The following DUOX2 variants were observed in gnomAD, a reference collection of about 807,000 sequenced individuals.
The protein encoded by DUOX2 is NADH/NADPH thyroid oxidase p138-tox.
A neutral mutation model predicts 183.3 loss-of-function variants in DUOX2; 185 were observed. That is an observed-to-expected ratio of 1.01 (90% confidence interval 0.90 to 1.14). The LOEUF is 1.14. DUOX2 is among the 50% of genes most tolerant of loss of function. The probability of loss-of-function intolerance (pLI) is 0.00; values close to 1 mark genes in which losing one functional copy is unlikely to be tolerated. For synonymous variants in DUOX2, 788 were observed against 812.4 expected, an observed-to-expected ratio of 0.97 and a Z score of 0.51; for missense variants, 1,999 against 2,022.9, an observed-to-expected ratio of 0.99 and a Z score of 0.23.
In DUOX2 at chr15:45,110,328, T is replaced by C. The variant is rs568023150; in HGVS notation, c.1040+100A>G. On this transcript the variant is annotated intron_variant, in intron 9 of 33. Coordinates refer to ENST00000389039, the MANE Select transcript of DUOX2 (RefSeq NM_001363711.2). Reference sequence around the variant, plus strand: ...CCCCAAATTTTTGCTTCCCCTTCTCTAGTGAAACTGCGAAGGAGTGTGAAA... The same window carrying C: ...CCCCAAATTTTTGCTTCCCCTTCTCCAGTGAAACTGCGAAGGAGTGTGAAA... 50 of 1,202,600 alleles carry C rather than the reference T, an allele frequency of 4.2e-5. No homozygotes were observed. In the African/African-American group the frequency reaches 5.1e-4, roughly 12 times the overall value. 74.5% of individuals were successfully genotyped at this position (1,202,600 alleles called of 1,614,324 possible). A position where few individuals can be genotyped will look rare whatever the true frequency, so the allele number is the denominator to read the frequency against.
In DUOX2 at chr15:45,094,159, C is replaced by A; in HGVS notation, c.4638G>T (p.Glu1546Asp). The change falls in exon 34 of 34, where the codon GAG (glutamate) becomes GAT (aspartate). Residue 1546 changes from glutamate to aspartate, a missense_variant. Transcript: ENST00000389039. ...GCCAGGGAGGACAGGCTCAGAAGTT[C>A]TCATAGTGGTGCATGAAGTGGGCTC... The part of the protein sequence containing the change: ...QDRAHFMHHY[E>D]NF The A allele has an allele frequency of 6.2e-7, 1 of 1,614,104 alleles. No individual in the cohort carries two copies. Among genetic ancestry groups the A allele is most frequent in the Non-Finnish European group, 8.5e-7 (1 of 1,180,014 alleles).
At position 45,108,186 on chromosome 15, in the gene DUOX2, G is replaced by C. The variant is rs1595526504; in HGVS notation, c.1435C>G (p.Leu479Val). 1.9e-6 allele frequency: 3 copies of C among 1,614,194 alleles called. No homozygotes were observed. Among genetic ancestry groups the C allele is most frequent in the Non-Finnish European group, 2.5e-6 (3 of 1,180,036 alleles). The change falls in exon 13 of 34, where the codon CTA (leucine) becomes GTA (valine). Residue 479 changes from leucine (L) to valine (V), a missense_variant. By Grantham distance (32) the Leu-to-Val change is conservative. Around this residue, in one of 3 missense-constraint regions of DUOX2, gnomAD observed 1,628 missense variants for 1,608.6 expected, o/e 1.01. Coordinates refer to ENST00000389039, the MANE Select transcript of DUOX2 (RefSeq NM_001363711.2). ...CCAAGGAGCAGCTCTAGCTGGGATA[G>C]GTCCTGGTTGTACAGGGCAGCTGTG... ...EATAALYNQD[L>V]SQLELLLGGL...
intron 18 of DUOX2, 72 bp from the exon 19 acceptor site, chr15:45,104,437 C>T (rs1595523977): frequency 1.3e-6 from 2 of 1,553,486 alleles, no homozygotes; most frequent in Non-Finnish European, 1.7e-6. Flanking sequence ...GTTCAGTGAC[C>T]CTTCATATCT....
rs771855544 is a variant in DUOX2 at position 45,095,847 on chromosome 15, C to T, written c.4061G>A (p.Gly1354Asp). The T allele has an allele frequency of 2.9e-5, 46 of 1,613,968 alleles. No homozygotes were observed. The highest frequency in any genetic ancestry group is 1.6e-4 in the Middle Eastern group (1 of 6,084). The part of the protein sequence containing the change: ...REIYSSPKGN[G>D]CAGYPKLYLD... ...GGGCACCTTTGGGTATCCAGCACAG[C>T]CATTGCCCTTTGGGGATGAGTAGAT... Residue 1354 changes from glycine to aspartate, a missense_variant, in exon 30 of 34, where the codon GGC becomes GAC. Coordinates refer to ENST00000389039, the MANE Select transcript of DUOX2 (RefSeq NM_001363711.2).
In DUOX2 at chr15:45,095,945, G is replaced by T; in HGVS notation, c.3963C>A (p.Thr1321=). 1 of 1,614,096 alleles carries T rather than the reference G, an allele frequency of 6.2e-7. No individual in the cohort carries two copies. The highest frequency in any genetic ancestry group is 8.5e-7 in the Non-Finnish European group (1 of 1,180,018). ...TGAGTGTGTCCTCATGGGGCGCGGAGGTCAGTGTGAAGGGGTGGTACTCGG... is the reference window on the plus strand; with the variant it reads ...TGAGTGTGTCCTCATGGGGCGCGGATGTCAGTGTGAAGGGGTGGTACTCGG... ...GTTEYHPFTL[T]SAPHEDTLSL... is the part of the protein sequence containing the mutation. The change falls in exon 30 of 34, where the codon ACC becomes ACA. Residue 1321 remains threonine (T), a synonymous_variant. Transcript: ENST00000389039.
At chr15:45,109,242 T>A (rs761557974) in intron 11 of DUOX2, 1 of 599,490 alleles carries the variant, frequency 1.7e-6, no homozygotes, top group Non-Finnish European at 2.9e-6. Flanking sequence ...CAGGGCTGAA[T>A]GAAAACCTTT....
chr15:45,107,326 G>A lies in DUOX2; in HGVS notation c.1693+19C>T. ...TCTCTGGCCACTGTCACTCACTTGT[G>A]TTCTCCCACGGCACTCACCTTTATG... On this transcript the variant is annotated intron_variant, in intron 14 of 33. Coordinates refer to ENST00000389039, the MANE Select transcript of DUOX2 (RefSeq NM_001363711.2). 1.2e-6 allele frequency: 2 copies of A among 1,613,304 alleles called. No individual in the cohort carries two copies. The highest frequency in any genetic ancestry group is 8.5e-7 in the Non-Finnish European group (1 of 1,179,220).
At chr15:45,113,264 C>G in intron 2 of DUOX2, 78 bp downstream of exon 2, 1 of 1,511,084 alleles carries the variant, frequency 6.6e-7, no homozygotes, top group Non-Finnish European at 9.0e-7. Flanking sequence ...CTCAGGGAGC[C>G]GCTTGCCGCA....
Position 45,108,037 on chromosome 15 carries a change from C to G in DUOX2, c.1574+10G>C. The G allele has an allele frequency of 2.5e-6, 4 of 1,613,818 alleles. No homozygotes were observed. The highest frequency in any genetic ancestry group is 3.4e-6 in the Non-Finnish European group (4 of 1,179,888). On this transcript the variant is annotated intron_variant, in intron 13 of 33. Coordinates refer to ENST00000389039, the MANE Select transcript of DUOX2 (RefSeq NM_001363711.2). ...GAGCAGTCTGAGGTGGGGGCCCAGGCAAGCCTTACCCATTCCTGGTGTTCT... is the reference window on the plus strand; with the variant it reads ...GAGCAGTCTGAGGTGGGGGCCCAGGGAAGCCTTACCCATTCCTGGTGTTCT...
rs140940946 is a variant in DUOX2 at position 45,107,417 on chromosome 15, G to T, written c.1621C>A (p.Arg541=). Reference sequence around the variant, plus strand: ...TTGATAACAGCGACCAGCACGTCCCGCAGGGTGGTATTTCGGATGTCTTCA... The same window carrying T: ...TTGATAACAGCGACCAGCACGTCCCTCAGGGTGGTATTTCGGATGTCTTCA... ...EIEDIRNTTL[R]DVLVAVINID... is the part of the protein sequence containing the mutation. The change falls in exon 14 of 34, where the codon CGG becomes AGG. Residue 541 remains arginine, a synonymous_variant. Coordinates refer to ENST00000389039, the MANE Select transcript of DUOX2 (RefSeq NM_001363711.2). 5.0e-4 allele frequency: 808 copies of T among 1,614,224 alleles called. 6 individuals carry two copies. The East Asian group carries it at 0.015, about 29-fold the overall frequency.
At chr15:45,111,350 C>G in intron 6 of DUOX2, 34 bp downstream of exon 6, 10 of 1,425,420 alleles carry the variant, frequency 7.0e-6, no homozygotes, top group Non-Finnish European at 9.2e-6. Context: ...CTCGCAGACC[C>G]CCAGCCGGCC....
rs751678495 is a variant in DUOX2, at chr15:45,105,846, G to A, written c.2149-18C>T. On this transcript the variant is annotated intron_variant, in intron 17 of 33. Coordinates refer to ENST00000389039, the MANE Select transcript of DUOX2 (RefSeq NM_001363711.2). ...AGCAGCACCTGGGTGGGAGGAAGGC[G>A]GCACTGACGCAGGGAGCTCGCTGGA... The A allele has an allele frequency of 1.5e-5, 24 of 1,613,604 alleles. No individual in the cohort carries two copies. The highest frequency in any genetic ancestry group is 6.7e-5 in the East Asian group (3 of 44,888).
At chr15:45,108,573 A>T in intron 12 of DUOX2, 3 of 662,626 alleles carry the variant, frequency 4.5e-6, no homozygotes, top group Non-Finnish European at 5.2e-6. Context: ...GAATGGTACA[A>T]TGCAGTGGTT....
In DUOX2 at chr15:45,106,935, A is replaced by T. The variant is rs1243800145; in HGVS notation, c.1728T>A (p.Thr576=). 2 of 1,579,830 alleles carry T rather than the reference A, an allele frequency of 1.3e-6. No individual in the cohort carries two copies. Among genetic ancestry groups the T allele is most frequent in the East Asian group, 2.3e-5 (1 of 43,908 alleles). ...APCPQPKQLT[T]DGLPQCAPLT... ...GGGGTGCACACTGGGGCAGGCCGTC[A>T]GTTGTGAGCTGCTTAGGTTGAGGGC... is the stretch of plus-strand genomic sequence containing the variant. The change falls in exon 15 of 34, where the codon ACT becomes ACA. Residue 576 remains threonine, a synonymous_variant. Transcript: ENST00000389039.
intron 11 of DUOX2, 186 bp from the exon 12 acceptor site, chr15:45,109,138 C>A: frequency 2.8e-6 from 2 of 724,114 alleles, no homozygotes; most frequent in South Asian, 1.6e-5. Flanking sequence ...GTGATCAGAG[C>A]CAGTTTTTCC....
At position 45,104,375 on chromosome 15, in the gene DUOX2, G is replaced by A; in HGVS notation, c.2335-10C>T. ...GGTTGATGTCCAGCACCTGCACTCGGGCAGCAGCAGAGGGAGGGAAAGAGA... is the reference window on the plus strand; with the variant it reads ...GGTTGATGTCCAGCACCTGCACTCGAGCAGCAGCAGAGGGAGGGAAAGAGA... On this transcript the variant is annotated splice_polypyrimidine_tract_variant and intron_variant, in intron 18 of 33. Coordinates refer to ENST00000389039, the MANE Select transcript of DUOX2 (RefSeq NM_001363711.2). 6.2e-7 allele frequency: 1 copy of A among 1,612,512 alleles called. No individual in the cohort carries two copies. Among genetic ancestry groups the A allele is most frequent in the Non-Finnish European group, 8.5e-7 (1 of 1,179,356 alleles).
intron 4 of DUOX2, among the ~76,000 whole-genome samples, 159 bp from the exon 5 acceptor site, chr15:45,112,114 T>C (rs1026898853): frequency 6.6e-6 from 1 of 152,240 alleles, no homozygotes; most frequent in African/African-American, 2.4e-5. Context: ...CTCAATTTTC[T>C]AATCTGCAAA....
chr15:45,099,221 A>G (rs1304539649), intron 26 of DUOX2, 162 bp downstream of exon 26: 2 of 594,988 alleles, frequency 3.4e-6, no homozygotes, highest in Non-Finnish European at 6.2e-6. Flanking sequence ...CGTGTTAGCC[A>G]GGATGGTCTC....
intron 1 of DUOX2, 87 bp downstream of exon 1, chr15:45,113,867 ACCCTTCCACAATGAATCCC>A: frequency 4.6e-6 from 1 of 217,594 alleles, no homozygotes; most frequent in Non-Finnish European, 9.4e-6. Context: ...GGACTGCAGC[ACCCTTCCACAATGAATCCC>A]CCCTTCCCCA....
Sources: allele counts gnomAD v4.1 joint callset (sites outside exome capture counted in the v4.1 genomes callset), GRCh38; gene constraint gnomAD v4.1.1; regional missense constraint gnomAD v4.1.1; transcripts MANE v1.5; gene names NCBI Gene and HGNC (gene_info 2026-07-23, HGNC 2026-07-21).